The following ETNK1 variants were observed in gnomAD, a reference collection of about 807,000 sequenced individuals.
ETNK1 encodes putative protein product of Nbla10396.
In ETNK1, 8 loss-of-function variants were observed where a neutral mutation model predicts 45.1. That is an observed-to-expected ratio of 0.18 (90% confidence interval 0.10 to 0.32). ETNK1 has a LOEUF of 0.32. ETNK1 is among the 10% of genes least tolerant of loss of function. The pLI, the probability that ETNK1 is intolerant of heterozygous loss-of-function variation, is 1.00. For missense variants in ETNK1, 302 were observed against 430.6 expected (o/e 0.70, Z 2.64); for synonymous variants, 152 against 151.9 (o/e 1.00, Z -0.01).
intron 1 of ETNK1, among the ~76,000 whole-genome samples, chr12:22,643,147 T>C (rs1428451623): frequency 6.6e-6 from 1 of 152,050 alleles, no homozygotes; most frequent in Non-Finnish European, 1.5e-5. Flanking sequence ...TATAACACAA[T>C]GTTTAATGCA....
chr12:22,681,806 A>G (rs1954218075), intron 6 of ETNK1, among the ~76,000 whole-genome samples: 1 of 152,094 alleles, frequency 6.6e-6, no homozygotes, highest in African/African-American at 2.4e-5. Context: ...CTGCTTCTGC[A>G]TTACATCTTT....
chr12:22,687,370 T>C lies in ETNK1; in HGVS notation c.*2416T>C, dbSNP rs1954269517. The C allele has an allele frequency of 6.6e-6, 1 of 152,286 alleles. No individual in the cohort carries two copies. Among genetic ancestry groups the C allele is most frequent in the Admixed American group, 6.6e-5 (1 of 15,242 alleles). 9.4% of individuals were successfully genotyped at this position (152,286 alleles called of 1,614,324 possible). A position where few individuals can be genotyped will look rare whatever the true frequency, so the allele number is the denominator to read the frequency against. Reference sequence around the variant, plus strand: ...TGGTGTGCTAAGATGTCTGTTGCCTTTTTATGTTAAGCTAAGGAACTTGAA... The same window carrying C: ...TGGTGTGCTAAGATGTCTGTTGCCTCTTTATGTTAAGCTAAGGAACTTGAA... On this transcript the variant is annotated 3_prime_UTR_variant, in exon 8 of 8. Coordinates refer to ENST00000266517, the MANE Select transcript of ETNK1 (RefSeq NM_018638.5).
In ETNK1 at chr12:22,647,481, T is replaced by C. The variant is rs74586970; in HGVS notation, c.416+3459T>C. ...GGCAGCAACAATTAAAAGTCTCTTA[T>C]ATTCAGATATAACTAAGGTACCTCA... is the stretch of plus-strand genomic sequence containing the variant. On this transcript the variant is annotated intron_variant, in intron 2 of 7. Coordinates refer to ENST00000266517, the MANE Select transcript of ETNK1 (RefSeq NM_018638.5). Among the ~76,000 whole-genome samples, 1,485 of 152,006 alleles carry C rather than the reference T, an allele frequency of 9.8e-3. 12 individuals are homozygous for C. The highest frequency in any genetic ancestry group is 0.018 in the Non-Finnish European group (1,218 of 67,816).
intron 1 of ETNK1, among the ~76,000 whole-genome samples, chr12:22,627,468 A>G (rs772508870): frequency 6.6e-6 from 1 of 152,168 alleles, no homozygotes; most frequent in Non-Finnish European, 1.5e-5. Context: ...GCTTTGGTCT[A>G]GAAGCTGTCC....
At chr12:22,673,896 T>C (rs905265260) in intron 6 of ETNK1, among the ~76,000 whole-genome samples, 4 of 152,190 alleles carry the variant, frequency 2.6e-5, no homozygotes, top group Admixed American at 2.6e-4. Context: ...GGCCATATGA[T>C]AGGTACTCAG....
At chr12:22,630,795 G>A (rs1306633501) in intron 1 of ETNK1, among the ~76,000 whole-genome samples, 2 of 151,884 alleles carry the variant, frequency 1.3e-5, no homozygotes. Context: ...ATTTTTAGTA[G>A]AGTCGGGGTT....
At chr12:22,642,074 C>G (rs1030618281) in intron 1 of ETNK1, among the ~76,000 whole-genome samples, 1 of 152,010 alleles carries the variant, frequency 6.6e-6, no homozygotes, top group Non-Finnish European at 1.5e-5. Context: ...GGTAGCTATA[C>G]GAGTTCTAGT....
At position 22,673,482 on chromosome 12, in the gene ETNK1, G is replaced by GT. The variant is rs760439425; in HGVS notation, c.785-10dup. ...TTATGTTTTAAAATTTTTGAGTGTA[G>GT]TTTTTTTTCTTCTAAAGGTGTGAGT... On this transcript the variant is annotated splice_polypyrimidine_tract_variant and intron_variant, in intron 5 of 7. Coordinates refer to ENST00000266517, the MANE Select transcript of ETNK1 (RefSeq NM_018638.5). 3.8e-5 allele frequency: 59 copies of GT among 1,541,338 alleles called. No homozygotes were observed. The highest frequency in any genetic ancestry group is 1.5e-4 in the South Asian group (12 of 78,138).
chr12:22,625,721 C>A, intron 1 of ETNK1, 135 bp downstream of exon 1: 1 of 1,276,226 alleles, frequency 7.8e-7, no homozygotes, highest in Non-Finnish European at 1.1e-6. Flanking sequence ...TGGGAAGTGA[C>A]CCTGTATTTC....
At chr12:22,680,701 G>C (rs1400431130) in intron 6 of ETNK1, among the ~76,000 whole-genome samples, 1 of 152,148 alleles carries the variant, frequency 6.6e-6, no homozygotes, top group Non-Finnish European at 1.5e-5. Context: ...TAAGATCAGG[G>C]TATACATGTT....
rs144993428 is a variant in ETNK1, at chr12:22,673,433, GATT to G, written c.785-62_785-60del. Reference sequence around the variant, plus strand: ...TTTATGAAAAAATGGTGGTTTTAGGGATTATTAAGGTATGCAGAAGAGTTTATG... The same window carrying G: ...TTTATGAAAAAATGGTGGTTTTAGGGATTAAGGTATGCAGAAGAGTTTATG... On this transcript the variant is annotated intron_variant, in intron 5 of 7. Coordinates refer to ENST00000266517, the MANE Select transcript of ETNK1 (RefSeq NM_018638.5). 3.4e-4 allele frequency: 431 copies of G among 1,256,196 alleles called. 7 individuals carry two copies. In the East Asian group the frequency reaches 9.9e-3, roughly 29 times the overall value. The allele number at this position is 1,256,196 out of a possible 1,614,324, so 77.8% of individuals were successfully genotyped here.
In ETNK1 at chr12:22,625,400, C is replaced by G; in HGVS notation, c.-31C>G. 4 of 1,564,884 alleles carry G rather than the reference C, an allele frequency of 2.6e-6. No individual in the cohort carries two copies. The African/African-American group carries it at 4.1e-5, about 16-fold the overall frequency. ...TTCTCGTGGTCGCCGTCGCCGTCGT[C>G]GTGGTGGTAGTCTCCGCCGTCGCCT... On this transcript the variant is annotated 5_prime_UTR_variant, in exon 1 of 8. Transcript: ENST00000266517.
At chr12:22,666,786 T>C (rs1954057226) in intron 4 of ETNK1, among the ~76,000 whole-genome samples, 2 of 152,146 alleles carry the variant, frequency 1.3e-5, no homozygotes, top group South Asian at 4.1e-4. Flanking sequence ...TTTTGTTTTA[T>C]TTTGCTTTGT....
In ETNK1 at chr12:22,685,169, G is replaced by C. The variant is rs1954249986; in HGVS notation, c.*215G>C. On this transcript the variant is annotated 3_prime_UTR_variant, in exon 8 of 8. Coordinates refer to ENST00000266517, the MANE Select transcript of ETNK1 (RefSeq NM_018638.5). ...TATCCGTATGTGGTGGATTAGAAAT[G>C]TGTTAAATCTGCAAAAGGTATAAAG... 2.4e-6 allele frequency: 1 copy of C among 413,334 alleles called. No homozygotes were observed. Among genetic ancestry groups the C allele is most frequent in the African/African-American group, 2.1e-5 (1 of 48,570 alleles). The allele number at this position is 413,334 out of a possible 1,614,324, so 25.6% of individuals were successfully genotyped here. A position where few individuals can be genotyped will look rare whatever the true frequency, so the allele number is the denominator to read the frequency against.
At chr12:22,630,070 C>T (rs1042441512) in intron 1 of ETNK1, among the ~76,000 whole-genome samples, 3 of 152,120 alleles carry the variant, frequency 2.0e-5, no homozygotes, top group Non-Finnish European at 2.9e-5. Context: ...ACACAAACTG[C>T]GTCACATCTT....
At chr12:22,660,955 C>A in intron 3 of ETNK1, 108 bp from the exon 4 acceptor site, 1 of 864,362 alleles carries the variant, frequency 1.2e-6, no homozygotes, top group East Asian at 2.9e-5. Context: ...TTGAATTCAG[C>A]AGTATGTGCG....
intron 5 of ETNK1, among the ~76,000 whole-genome samples, chr12:22,671,665 C>T (rs1303603051): frequency 6.6e-6 from 1 of 151,674 alleles, no homozygotes; most frequent in Non-Finnish European, 1.5e-5. Flanking sequence ...GGTGAAACCC[C>T]GTTTCTACTA....
At chr12:22,683,537 C>T (rs1954233058) in intron 6 of ETNK1, among the ~76,000 whole-genome samples, 1 of 152,034 alleles carries the variant, frequency 6.6e-6, no homozygotes, top group Non-Finnish European at 1.5e-5. Context: ...ATATTCCCAT[C>T]TCGTAAATGA....
Position 22,689,008 on chromosome 12 carries a change from A to G in ETNK1, c.*4054A>G. On this transcript the variant is annotated 3_prime_UTR_variant, in exon 8 of 8. Coordinates refer to ENST00000266517, the MANE Select transcript of ETNK1 (RefSeq NM_018638.5). ...CAGAAAAGTGTATCAATTATTTTAA[A>G]TGAATTTTTCCCCATGTTTGAGGCT... 1 of 151,954 alleles carries G rather than the reference A, an allele frequency of 6.6e-6. No homozygotes were observed. Among genetic ancestry groups the G allele is most frequent in the Non-Finnish European group, 1.5e-5 (1 of 67,814 alleles). 9.4% of individuals were successfully genotyped at this position (151,954 alleles called of 1,614,324 possible). A position where few individuals can be genotyped will look rare whatever the true frequency, so the allele number is the denominator to read the frequency against.
Sources: allele counts gnomAD v4.1 joint callset (sites outside exome capture counted in the v4.1 genomes callset), GRCh38; gene constraint gnomAD v4.1.1; transcripts MANE v1.5; gene names NCBI Gene and HGNC (gene_info 2026-07-23, HGNC 2026-07-21).